Variants in DOCK3 observed in about 807,000 individuals in gnomAD.
The protein encoded by DOCK3 is dedicator of cytokinesis 3.
Under a neutral mutation model 265.6 loss-of-function variants are expected in DOCK3, and 60 were observed. The observed-to-expected ratio is 0.23, with a 90% CI of 0.18 to 0.28. The LOEUF (loss-of-function observed/expected upper bound fraction) is 0.28. Ranked by LOEUF, DOCK3 falls within the 10% of genes least tolerant of loss-of-function variation. DOCK3 has a pLI of 1.00. For synonymous variants in DOCK3, 881 were observed against 938.0 expected (o/e 0.94, Z 1.11); for missense variants, 1,981 against 2,594.3 (o/e 0.76, Z 5.14).
chr3:50,904,503 C>G (rs1171552298), intron 4 of DOCK3, among the ~76,000 whole-genome samples: 1 of 152,318 alleles, frequency 6.6e-6, no homozygotes, highest in Non-Finnish European at 1.5e-5. Context: ...TTGCATTTCT[C>G]TGATGACCAG....
At chr3:50,719,838 C>G (rs993450199) in intron 1 of DOCK3, 2 of 740,562 alleles carry the variant, frequency 2.7e-6, no homozygotes, top group Non-Finnish European at 5.0e-6. Flanking sequence ...ACACTTATAA[C>G]CAAATGCATT....
chr3:51,263,216 G>C (rs1018239889), intron 23 of DOCK3, among the ~76,000 whole-genome samples: 4 of 152,196 alleles, frequency 2.6e-5, no homozygotes, highest in African/African-American at 9.7e-5. Context: ...ACTAAGAGCA[G>C]ATTTCTCTGC....
At chr3:50,700,110 T>C (rs1167517441) in intron 1 of DOCK3, among the ~76,000 whole-genome samples, 2 of 152,012 alleles carry the variant, frequency 1.3e-5, no homozygotes, top group African/African-American at 4.8e-5. Flanking sequence ...GAAACCCCCG[T>C]CTCTACTAAA....
intron 24 of DOCK3, among the ~76,000 whole-genome samples, chr3:51,274,746 A>T (rs555193656): frequency 2.8e-4 from 43 of 152,186 alleles, no homozygotes; most frequent in Non-Finnish European, 7.4e-5. Context: ...ATGCCCCTGC[A>T]TTCCAGCCTG....
At chr3:50,715,520 C>T (rs979849787) in intron 1 of DOCK3, among the ~76,000 whole-genome samples, 2 of 152,044 alleles carry the variant, frequency 1.3e-5, no homozygotes, top group African/African-American at 4.8e-5. Context: ...CACTGCACTG[C>T]AGCCTGGGCA....
chr3:51,099,141 A>G (rs12494165), intron 9 of DOCK3, among the ~76,000 whole-genome samples: 126,963 of 152,190 alleles, frequency 0.83, 53,441 homozygotes, highest in East Asian at 0.95. Context: ...AAAGCTAAAT[A>G]TATTTCATAC....
Position 51,026,562 on chromosome 3 carries a change from A to G in DOCK3, c.316-37886A>G, listed in dbSNP as rs146301269. Among the ~76,000 whole-genome samples, 6 of 152,078 alleles carry G rather than the reference A, an allele frequency of 3.9e-5. No individual in the cohort carries two copies. The East Asian group carries it at 1.2e-3, about 29-fold the overall frequency. ...AAGTAGTTTCAGTATGATTGGTACC[A>G]GCTCTTTTTTTGTGTATCTGGTAGG... On this transcript the variant is annotated intron_variant, in intron 5 of 52. Coordinates refer to ENST00000266037, the MANE Select transcript of DOCK3 (RefSeq NM_004947.5).
intron 27 of DOCK3, among the ~76,000 whole-genome samples, chr3:51,280,951 A>G (rs2081077659): frequency 6.6e-6 from 1 of 152,052 alleles, no homozygotes; most frequent in African/African-American, 2.4e-5. Flanking sequence ...ATTTTTAGCT[A>G]TTGTTAGTTA....
chr3:50,741,731 A>G (rs2039044573), intron 1 of DOCK3, among the ~76,000 whole-genome samples: 1 of 151,704 alleles, frequency 6.6e-6, no homozygotes, highest in South Asian at 2.1e-4. Flanking sequence ...GCCGCAATAA[A>G]CATACGTGTG....
chr3:50,716,990 T>TA (rs1246174989), intron 1 of DOCK3, among the ~76,000 whole-genome samples: 2 of 152,234 alleles, frequency 1.3e-5, no homozygotes, highest in African/African-American at 4.8e-5. Context: ...CTTTTGATAC[T>TA]AAAAGTAGCA....
intron 37 of DOCK3, among the ~76,000 whole-genome samples, chr3:51,339,725 CTGAT>C (rs1387649749): frequency 3.9e-5 from 6 of 152,212 alleles, no homozygotes; most frequent in Non-Finnish European, 8.8e-5. Context: ...TGTGTCCTAT[CTGAT>C]TGACTTATGC....
chr3:51,203,940 G>A (rs1406326474), intron 12 of DOCK3, among the ~76,000 whole-genome samples: 1 of 152,280 alleles, frequency 6.6e-6, no homozygotes, highest in South Asian at 2.1e-4. Context: ...AATAAATGGT[G>A]CTGGGAAAAT....
At chr3:50,883,219 A>G (rs2048145913) in intron 3 of DOCK3, among the ~76,000 whole-genome samples, 1 of 152,158 alleles carries the variant, frequency 6.6e-6, no homozygotes, top group Non-Finnish European at 1.5e-5. Flanking sequence ...ATACATATGT[A>G]ACAAACCTGC....
chr3:51,291,892 A>G (rs923681235), intron 27 of DOCK3, among the ~76,000 whole-genome samples: 1 of 152,234 alleles, frequency 6.6e-6, no homozygotes. Context: ...TAAAAGGATT[A>G]TTCACCATGA....
At chr3:51,176,399 C>T (rs1023567565) in intron 12 of DOCK3, among the ~76,000 whole-genome samples, 36 of 151,982 alleles carry the variant, frequency 2.4e-4, no homozygotes, top group African/African-American at 6.8e-4. Context: ...AGGCAGACCA[C>T]GAGGTCAGGA....
chr3:50,776,954 A>G (rs375272614), intron 1 of DOCK3, among the ~76,000 whole-genome samples: 1 of 152,224 alleles, frequency 6.6e-6, no homozygotes, highest in Non-Finnish European at 1.5e-5. Context: ...TCATAGTGGA[A>G]GATAAAAGGC....
chr3:51,206,796 A>G (rs143109615), intron 12 of DOCK3, among the ~76,000 whole-genome samples: 85 of 152,302 alleles, frequency 5.6e-4, no homozygotes, highest in African/African-American at 2.0e-3. Context: ...AAGGCCCATT[A>G]GAAGATTATT....
chr3:51,205,846 G>A (rs2089175168), intron 12 of DOCK3, among the ~76,000 whole-genome samples: 1 of 152,212 alleles, frequency 6.6e-6, no homozygotes, highest in South Asian at 2.1e-4. Flanking sequence ...TGGCAGTTCT[G>A]CAAAGCTAAA....
intron 9 of DOCK3, among the ~76,000 whole-genome samples, chr3:51,129,486 C>T (rs2084412824): frequency 6.6e-6 from 1 of 152,186 alleles, no homozygotes; most frequent in Non-Finnish European, 1.5e-5. Flanking sequence ...GCCTTCAAGA[C>T]CTGCTCAAGC....
Sources: gnomAD v4.1 joint callset for allele counts (sites outside exome capture counted in the v4.1 genomes callset) on GRCh38, gnomAD v4.1.1 for gene constraint, MANE v1.5 for transcripts, NCBI Gene and HGNC (gene_info 2026-07-23, HGNC 2026-07-21) for gene names.